RIOK3: variants seen among roughly 807,000 people sequenced by gnomAD.
RIOK3 encodes RIO kinase 3, also known as serine/threonine-protein kinase RIO3.
Under a neutral mutation model 63.5 loss-of-function variants are expected in RIOK3, and 40 were observed. The observed-to-expected ratio is 0.63, with a 90% CI of 0.49 to 0.82. The LOEUF (loss-of-function observed/expected upper bound fraction) is 0.82. RIOK3 is among the 40% of genes least tolerant of loss of function. The pLI, the probability that RIOK3 is intolerant of heterozygous loss-of-function variation, is 0.00. For missense variants in RIOK3, 557 were observed against 637.0 expected, an observed-to-expected ratio of 0.87 and a Z score of 1.35; for synonymous variants, 193 against 205.0, an observed-to-expected ratio of 0.94 and a Z score of 0.50.
At chr18:23,473,158 T>G (rs934518196) in intron 7 of RIOK3, among the ~76,000 whole-genome samples, 3 of 152,224 alleles carry the variant, frequency 2.0e-5, no homozygotes, top group African/African-American at 7.2e-5. Context: ...TTCATTGTAT[T>G]TCAAGCTTGA....
At chr18:23,460,356 C>T (rs747849929) in intron 1 of RIOK3, among the ~76,000 whole-genome samples, 13 of 152,116 alleles carry the variant, frequency 8.5e-5, no homozygotes, top group Admixed American at 2.0e-4. Flanking sequence ...TCACACATTT[C>T]GGGGTGAGAT....
chr18:23,467,761 C>T (rs983486337), intron 7 of RIOK3, among the ~76,000 whole-genome samples: 4 of 144,918 alleles, frequency 2.8e-5, no homozygotes, highest in African/African-American at 8.0e-5. Flanking sequence ...TTTTTCAATG[C>T]GTATATTATT....
chr18:23,479,734 G>C (rs2057518929), intron 12 of RIOK3, among the ~76,000 whole-genome samples: 1 of 151,948 alleles, frequency 6.6e-6, no homozygotes, highest in Non-Finnish European at 1.5e-5. Flanking sequence ...GTGCCACCAT[G>C]CTTGGCTAAT....
At chr18:23,465,625 G>T (rs1465644711) in intron 5 of RIOK3, among the ~76,000 whole-genome samples, 1 of 151,876 alleles carries the variant, frequency 6.6e-6, no homozygotes, top group Non-Finnish European at 1.5e-5. Flanking sequence ...TGAAATTTGG[G>T]TGGTATAATA....
chr18:23,467,764 A>ATAG, intron 7 of RIOK3, among the ~76,000 whole-genome samples: 1 of 150,442 alleles, frequency 6.6e-6, no homozygotes, highest in South Asian at 2.1e-4. Context: ...TTCAATGCGT[A>ATAG]TATTATTATT....
intron 7 of RIOK3, 76 bp from the exon 8 acceptor site, chr18:23,473,353 C>T (rs2057468250): frequency 5.8e-6 from 5 of 861,550 alleles, no homozygotes; most frequent in South Asian, 5.5e-5. Context: ...TTTAGTGTTA[C>T]AGAATCTTTA....
At chr18:23,481,115 A>G (rs1207959376) in intron 12 of RIOK3, 57 bp from the exon 13 acceptor site, 10 of 1,280,716 alleles carry the variant, frequency 7.8e-6, no homozygotes, top group African/African-American at 1.5e-5. Flanking sequence ...AATCTAAAAT[A>G]TGGTTTCTGT....
chr18:23,463,197 A>C, intron 2 of RIOK3, 118 bp downstream of exon 2: 1 of 603,556 alleles, frequency 1.7e-6, no homozygotes, highest in South Asian at 2.2e-5. Context: ...CACCATATTG[A>C]GAGTCCAGTG....
intron 8 of RIOK3, among the ~76,000 whole-genome samples, chr18:23,473,968 G>C (rs925075654): frequency 6.6e-6 from 1 of 152,028 alleles, no homozygotes. Flanking sequence ...CATTTAATTT[G>C]TTAATTTTGT....
intron 11 of RIOK3, among the ~76,000 whole-genome samples, chr18:23,477,896 G>T (rs560891223): frequency 1.2e-4 from 18 of 151,634 alleles, no homozygotes; most frequent in Admixed American, 1.2e-3. Flanking sequence ...ATGGTGAAAC[G>T]CTGTCTGTAC....
rs1459374349 is a variant in RIOK3, at chr18:23,473,598, G to A, written c.985G>A (p.Ala329Thr). The change falls in exon 8 of 13, where the codon GCA (alanine) becomes ACA (threonine). Residue 329 changes from alanine to threonine, a missense_variant. By Grantham distance (58) the Ala-to-Thr change is moderately conservative. Coordinates refer to ENST00000339486, the MANE Select transcript of RIOK3 (RefSeq NM_003831.5). Reference protein sequence around the residue: ...LNPRKIIRMWAEKEMHNLARM... With the variant: ...LNPRKIIRMWTEKEMHNLARM... ...TCCACGTAAGATCATCCGCATGTGG[G>A]CAGAAAAAGAAATGCACAATCTCGC... 6.2e-7 allele frequency: 1 copy of A among 1,613,054 alleles called. No individual in the cohort carries two copies. Among genetic ancestry groups the A allele is most frequent in the African/African-American group, 1.3e-5 (1 of 74,894 alleles).
intron 8 of RIOK3, among the ~76,000 whole-genome samples, chr18:23,473,965 T>C (rs539607856): frequency 6.6e-6 from 1 of 152,364 alleles, no homozygotes; most frequent in African/African-American, 2.4e-5. Context: ...TTGCATTTAA[T>C]TTGTTAATTT....
intron 7 of RIOK3, among the ~76,000 whole-genome samples, chr18:23,469,096 C>G (rs1598810214): frequency 6.6e-6 from 1 of 152,182 alleles, no homozygotes; most frequent in Non-Finnish European, 1.5e-5. Context: ...ACTTTCAAAG[C>G]CAGCAGGAGA....
chr18:23,466,770 C>T (rs528469962), intron 6 of RIOK3, among the ~76,000 whole-genome samples: 62 of 150,800 alleles, frequency 4.1e-4, no homozygotes, highest in African/African-American at 1.3e-3. Context: ...GTAGAAGGAT[C>T]GCTTGAGCCC....
chr18:23,456,768 A>C (rs2057343722), intron 1 of RIOK3, among the ~76,000 whole-genome samples: 1 of 152,260 alleles, frequency 6.6e-6, no homozygotes, highest in South Asian at 2.1e-4. Flanking sequence ...CATCTGACTT[A>C]TTAGAAGATA....
At chr18:23,479,183 CTGTGTGTG>C (rs45523933) in intron 11 of RIOK3, 126 bp from the exon 12 acceptor site, 7 of 524,242 alleles carry the variant, frequency 1.3e-5, no homozygotes, top group Admixed American at 6.3e-5. Context: ...GTTGAAATTA[CTGTGTGTG>C]TGTGTGTGTG....
Position 23,466,273 on chromosome 18 carries a change from A to G in RIOK3, c.684A>G (p.Thr228=). 2 of 1,578,140 alleles carry G rather than the reference A, an allele frequency of 1.3e-6. No homozygotes were observed. Among genetic ancestry groups the G allele is most frequent in the Non-Finnish European group, 1.7e-6 (2 of 1,168,164 alleles). The change falls in exon 6 of 13, where the codon ACA becomes ACG. Residue 228 remains threonine (T), a synonymous_variant. Transcript: ENST00000339486. ...TACATGAGAAAAAGGAGCATTCTACAGCAGTAAGGATTTATAGATTTTTTT... is the reference window on the plus strand; with the variant it reads ...TACATGAGAAAAAGGAGCATTCTACGGCAGTAAGGATTTATAGATTTTTTT... ...ARLHEKKEHS[T]AEKAVDPKTR... is the part of the protein sequence containing the mutation.
At chr18:23,461,268 A>G (rs79037363) in intron 1 of RIOK3, among the ~76,000 whole-genome samples, 23 of 152,342 alleles carry the variant, frequency 1.5e-4, no homozygotes, top group African/African-American at 5.3e-4. Flanking sequence ...ATAACATTTT[A>G]TGCTATATTC....
chr18:23,473,756 A>G (rs2057471892), intron 8 of RIOK3, 130 bp downstream of exon 8: 21 of 653,102 alleles, frequency 3.2e-5, no homozygotes, highest in Middle Eastern at 4.4e-4. Flanking sequence ...CTCGATTCAT[A>G]CTTTTAGGAT....
Sources: gnomAD v4.1 joint callset for allele counts (sites outside exome capture counted in the v4.1 genomes callset) on GRCh38, gnomAD v4.1.1 for gene constraint, MANE v1.5 for transcripts, NCBI Gene and HGNC (gene_info 2026-07-23, HGNC 2026-07-21) for gene names.